Variants in CDC16 observed in about 807,000 individuals in gnomAD.
CDC16 encodes cell division cycle 16.
In CDC16, 34 loss-of-function variants were observed where a neutral mutation model predicts 87.0. That is an observed-to-expected ratio of 0.39 (90% confidence interval 0.30 to 0.52). The LOEUF (loss-of-function observed/expected upper bound fraction) is 0.52, where lower values mean the gene tolerates loss of function less well. Among genes scored for constraint, CDC16 ranks in the 20% least tolerant of loss-of-function variants. The probability of loss-of-function intolerance (pLI) is 0.74; values close to 1 mark genes in which losing one functional copy is unlikely to be tolerated. For synonymous variants in CDC16, 263 were observed against 260.6 expected, an observed-to-expected ratio of 1.01 and a Z score of -0.09; for missense variants, 653 against 751.9, an observed-to-expected ratio of 0.87 and a Z score of 1.54.
intron 17 of CDC16, among the ~76,000 whole-genome samples, chr13:114,266,913 A>G (rs1566687181): frequency 6.6e-6 from 1 of 151,752 alleles, no homozygotes; most frequent in Non-Finnish European, 1.5e-5. Flanking sequence ...CGCCAGGATG[A>G]TCTTGATCTC....
chr13:114,261,125 G>A (rs1015239977), intron 14 of CDC16, among the ~76,000 whole-genome samples: 11 of 152,060 alleles, frequency 7.2e-5, no homozygotes, highest in African/African-American at 2.4e-4. Flanking sequence ...CAAAAATTAG[G>A]GCAAGGGTAT....
chr13:114,244,305 A>G (rs948982956), intron 8 of CDC16, among the ~76,000 whole-genome samples: 1 of 152,224 alleles, frequency 6.6e-6, no homozygotes, highest in South Asian at 2.1e-4. Flanking sequence ...TGAGACTCAC[A>G]CTGTAGATAC....
chr13:114,260,315 G>C (rs576161652), intron 14 of CDC16, among the ~76,000 whole-genome samples: 2 of 152,332 alleles, frequency 1.3e-5, no homozygotes, highest in East Asian at 3.9e-4. Context: ...TATAAAGCAG[G>C]TGCCTCTGTC....
chr13:114,263,713 C>A (rs1318725642), intron 16 of CDC16, among the ~76,000 whole-genome samples: 1 of 152,212 alleles, frequency 6.6e-6, no homozygotes, highest in African/African-American at 2.4e-5. Context: ...TGGGTTTCCT[C>A]CCAGCCACAG....
chr13:114,258,932 T>C (rs2082671776), intron 13 of CDC16, among the ~76,000 whole-genome samples: 1 of 152,022 alleles, frequency 6.6e-6, no homozygotes. Context: ...ACCCCATCTC[T>C]ACTAAAAATA....
intron 11 of CDC16, among the ~76,000 whole-genome samples, chr13:114,247,701 A>G (rs1377190823): frequency 6.6e-6 from 1 of 152,100 alleles, no homozygotes; most frequent in East Asian, 1.9e-4. Context: ...AACATGGTGA[A>G]ACTCTGTCTA....
chr13:114,250,613 G>T lies in CDC16; in HGVS notation c.1036G>T (p.Val346Leu). 1 of 1,614,136 alleles carries T rather than the reference G, an allele frequency of 6.2e-7. No individual in the cohort carries two copies. Reference protein sequence around the residue: ...AWIAYGHSFAVESEHDQAMAA... With the variant: ...AWIAYGHSFALESEHDQAMAA... The stretch of plus-strand genomic sequence containing the variant: ...GATAGCCTATGGACATTCATTTGCG[G>T]TGGAGAGTGAGCACGACCAAGCGAT... The change falls in exon 12 of 18, where the codon GTG becomes TTG. Residue 346 changes from valine to leucine, a missense_variant. By Grantham distance (32) the Val-to-Leu change is conservative. Coordinates refer to ENST00000356221, the MANE Select transcript of CDC16 (RefSeq NM_001078645.3).
At chr13:114,253,069 C>T (rs1022574126) in intron 12 of CDC16, among the ~76,000 whole-genome samples, 39 of 152,192 alleles carry the variant, frequency 2.6e-4, no homozygotes, top group African/African-American at 9.2e-4. Flanking sequence ...CACCACAATC[C>T]AGCCTGGGTG....
intron 17 of CDC16, among the ~76,000 whole-genome samples, chr13:114,270,836 C>G (rs1015978876): frequency 6.6e-6 from 1 of 150,742 alleles, no homozygotes; most frequent in Admixed American, 6.6e-5. Flanking sequence ...GTGGGAAGTT[C>G]ATAGGAAGCT....
intron 5 of CDC16, 46 bp downstream of exon 5, chr13:114,239,536 C>T (rs1455220849): frequency 1.2e-5 from 17 of 1,462,366 alleles, no homozygotes; most frequent in East Asian, 2.4e-5. Context: ...GCGAGAATTG[C>T]CCTCATTACG....
At chr13:114,238,493 G>A (rs2081373059) in intron 3 of CDC16, among the ~76,000 whole-genome samples, 2 of 150,760 alleles carry the variant, frequency 1.3e-5, no homozygotes, top group South Asian at 4.2e-4. Flanking sequence ...CACACTCAGG[G>A]CCTGAAGTGG....
chr13:114,246,492 C>G (rs907349206), intron 10 of CDC16, among the ~76,000 whole-genome samples: 1 of 152,212 alleles, frequency 6.6e-6, no homozygotes, highest in Non-Finnish European at 1.5e-5. Flanking sequence ...AAAATGGAAT[C>G]AGGGACTGCG....
chr13:114,253,179 C>T (rs1313331728), intron 12 of CDC16, among the ~76,000 whole-genome samples: 1 of 152,138 alleles, frequency 6.6e-6, no homozygotes, highest in Non-Finnish European at 1.5e-5. Flanking sequence ...TCTGCATTTT[C>T]TTAACTTGTC....
Position 114,257,144 on chromosome 13 carries a change from A to G in CDC16, c.1164A>G (p.Glu388=). 6.2e-7 allele frequency: 1 copy of G among 1,613,154 alleles called. No homozygotes were observed. Among genetic ancestry groups the G allele is most frequent in the Non-Finnish European group, 8.5e-7 (1 of 1,179,228 alleles). The change falls in exon 13 of 18, where the codon GAA becomes GAG. Residue 388 remains glutamate (E), a synonymous_variant. Coordinates refer to ENST00000356221, the MANE Select transcript of CDC16 (RefSeq NM_001078645.3). Reference sequence around the variant, plus strand: ...TGACCAATAACTCAAAACTAGCTGAAAGGTTCTTCAGCCAAGCTCTGAGCA... The same window carrying G: ...TGACCAATAACTCAAAACTAGCTGAGAGGTTCTTCAGCCAAGCTCTGAGCA... ...YGLTNNSKLA[E]RFFSQALSIA... is the part of the protein sequence containing the mutation.
At chr13:114,246,847 C>G (rs1159784266) in intron 10 of CDC16, 84 bp from the exon 11 acceptor site, 2 of 827,796 alleles carry the variant, frequency 2.4e-6, no homozygotes, top group Non-Finnish European at 4.3e-6. Context: ...TGTAGTATAC[C>G]CTCTGTCTAC....
intron 17 of CDC16, among the ~76,000 whole-genome samples, chr13:114,265,893 G>A (rs1237581510): frequency 2.0e-5 from 3 of 151,526 alleles, no homozygotes; most frequent in East Asian, 1.9e-4. Context: ...TCTGCCCACC[G>A]CAACCCCTGC....
chr13:114,236,565 A>T, intron 1 of CDC16, 80 bp from the exon 2 acceptor site: 1 of 1,173,518 alleles, frequency 8.5e-7, no homozygotes, highest in East Asian at 2.7e-5. Flanking sequence ...ATTACATAGA[A>T]TTATAATAAT....
chr13:114,259,865 T>C (rs2082733125), intron 14 of CDC16, among the ~76,000 whole-genome samples: 2 of 152,224 alleles, frequency 1.3e-5, no homozygotes, highest in Non-Finnish European at 2.9e-5. Flanking sequence ...TACTGCATAC[T>C]GAGTGTGTAT....
chr13:114,248,516 A>G (rs182022523), intron 11 of CDC16, among the ~76,000 whole-genome samples: 27 of 152,290 alleles, frequency 1.8e-4, no homozygotes, highest in Non-Finnish European at 3.7e-4. Flanking sequence ...GTCTGTCTCT[A>G]CTAAAAATAA....
Sources: allele counts gnomAD v4.1 joint callset (sites outside exome capture counted in the v4.1 genomes callset), GRCh38; gene constraint gnomAD v4.1.1; transcripts MANE v1.5; gene names NCBI Gene and HGNC (gene_info 2026-07-23, HGNC 2026-07-21).